Variants in GRIK1 observed in about 807,000 individuals in gnomAD.
The protein encoded by GRIK1 is glutamate ionotropic receptor kainate type subunit 1, also known as glutamate receptor ionotropic, kainate 1.
Under a neutral mutation model 105.7 loss-of-function variants are expected in GRIK1, and 69 were observed. That is an observed-to-expected ratio of 0.65 (90% CI 0.54 to 0.80). The LOEUF (loss-of-function observed/expected upper bound fraction) is 0.80. GRIK1 is among the 30% of genes least tolerant of loss of function. The pLI is 0.00. For synonymous variants in GRIK1, 438 were observed against 431.3 expected, an observed-to-expected ratio of 1.02 and a Z score of -0.19; for missense variants, 1,109 against 1,167.3, an observed-to-expected ratio of 0.95 and a Z score of 0.73.
chr21:29,563,440 A>G (rs2090533862), intron 14 of GRIK1, among the ~76,000 whole-genome samples: 1 of 152,172 alleles, frequency 6.6e-6, no homozygotes. Flanking sequence ...ACAGTACCTT[A>G]TAGATATTGG....
intron 1 of GRIK1, among the ~76,000 whole-genome samples, chr21:29,835,848 C>A (rs1224629642): frequency 6.6e-6 from 1 of 152,142 alleles, no homozygotes; most frequent in Non-Finnish European, 1.5e-5. Context: ...AAGTCCAGAG[C>A]TAGCAATTGC....
In GRIK1 at chr21:29,672,662, A is replaced by AAG. The variant is rs72451934; in HGVS notation, c.726+319_726+320dup. On this transcript the variant is annotated intron_variant, in intron 4 of 17. Coordinates refer to ENST00000327783, the MANE Select transcript of GRIK1 (RefSeq NM_001330994.2). ...CTGGCACAGTCTTTTCAAGAGACAT[A>AAG]AGAGAGAGAGAGAGAGAGATGTTTA... 8.4e-4 allele frequency among the ~76,000 whole-genome samples: 123 copies of AAG among 146,192 alleles called. 1 individual carries two copies. The highest frequency in any genetic ancestry group is 2.4e-3 in the African/African-American group (88 of 37,406).
At chr21:29,718,595 G>A (rs968331304) in intron 1 of GRIK1, among the ~76,000 whole-genome samples, 4 of 152,214 alleles carry the variant, frequency 2.6e-5, no homozygotes, top group African/African-American at 9.6e-5. Context: ...TCAAAGAGAT[G>A]TCATAGGCCT....
chr21:29,757,155 A>G (rs1326938920), intron 1 of GRIK1, among the ~76,000 whole-genome samples: 1 of 152,144 alleles, frequency 6.6e-6, no homozygotes, highest in Admixed American at 6.5e-5. Context: ...AATTTAAAAA[A>G]AAAGAAATGC....
chr21:29,899,722 G>T (rs377116692), intron 1 of GRIK1, among the ~76,000 whole-genome samples: 2 of 152,122 alleles, frequency 1.3e-5, no homozygotes, highest in Admixed American at 6.5e-5. Context: ...GGGACATCTT[G>T]GTGGCATGTA....
intron 1 of GRIK1, among the ~76,000 whole-genome samples, chr21:29,767,568 A>C (rs2065700043): frequency 6.6e-6 from 1 of 152,202 alleles, no homozygotes; most frequent in South Asian, 2.1e-4. Context: ...AATTTTTTAA[A>C]ACACAGGACT....
intron 1 of GRIK1, among the ~76,000 whole-genome samples, chr21:29,755,236 G>C (rs1331844977): frequency 1.3e-5 from 2 of 152,092 alleles, no homozygotes; most frequent in Admixed American, 1.3e-4. Context: ...TATTAATATG[G>C]ATTCATTTAT....
At chr21:29,826,916 G>A (rs1195298980) in intron 1 of GRIK1, among the ~76,000 whole-genome samples, 2 of 152,106 alleles carry the variant, frequency 1.3e-5, no homozygotes, top group Admixed American at 6.6e-5. Context: ...CAAATTCAAA[G>A]TCTTCTACAT....
At chr21:29,924,454 T>G (rs761276953) in intron 1 of GRIK1, among the ~76,000 whole-genome samples, 8 of 152,176 alleles carry the variant, frequency 5.3e-5, no homozygotes, top group Non-Finnish European at 1.2e-4. Context: ...ATGAGCTTTA[T>G]TCTATGGTTA....
chr21:29,801,401 G>T (rs1188580673), intron 1 of GRIK1, among the ~76,000 whole-genome samples: 1 of 152,024 alleles, frequency 6.6e-6, no homozygotes, highest in Non-Finnish European at 1.5e-5. Context: ...TCAGGCTATT[G>T]ATCAGGGGCT....
At chr21:29,596,615 A>G (rs770634207) in intron 8 of GRIK1, 45 bp from the exon 9 acceptor site, 3 of 1,385,430 alleles carry the variant, frequency 2.2e-6, no homozygotes, top group Non-Finnish European at 2.1e-6. Flanking sequence ...GCACTTAATT[A>G]AAATGGAGCG....
chr21:29,685,540 G>T (rs551389758), intron 3 of GRIK1, among the ~76,000 whole-genome samples: 1 of 152,050 alleles, frequency 6.6e-6, no homozygotes, highest in Middle Eastern at 3.4e-3. Context: ...GCCTAACCAA[G>T]CATAAGAAAA....
intron 1 of GRIK1, among the ~76,000 whole-genome samples, chr21:29,914,704 C>A (rs574986235): frequency 6.6e-6 from 1 of 152,152 alleles, no homozygotes; most frequent in African/African-American, 2.4e-5. Flanking sequence ...CACTTTGGGG[C>A]AGAACCTTTT....
intron 1 of GRIK1, among the ~76,000 whole-genome samples, chr21:29,874,156 C>T (rs1229367527): frequency 6.6e-6 from 1 of 152,126 alleles, no homozygotes; most frequent in Non-Finnish European, 1.5e-5. Flanking sequence ...CCACATGGCC[C>T]GTTGTTTGGG....
chr21:29,690,127 T>G (rs766086316), intron 2 of GRIK1, 142 bp from the exon 3 acceptor site: 2 of 687,494 alleles, frequency 2.9e-6, no homozygotes, highest in Non-Finnish European at 4.9e-6. Context: ...AATCCCTGTC[T>G]GCATATTGAG....
intron 3 of GRIK1, among the ~76,000 whole-genome samples, chr21:29,674,142 A>G (rs564215072): frequency 6.0e-5 from 9 of 150,804 alleles, no homozygotes; most frequent in African/African-American, 2.2e-4. Context: ...ATCAGTAGGG[A>G]ATATTAAGTT....
At chr21:29,549,743 G>A (rs920761904) in intron 16 of GRIK1, among the ~76,000 whole-genome samples, 2 of 152,010 alleles carry the variant, frequency 1.3e-5, no homozygotes, top group African/African-American at 4.8e-5. Flanking sequence ...TTCCTGGTCG[G>A]GTCACTGTGG....
At position 29,564,302 on chromosome 21, in the gene GRIK1, T is replaced by C. The variant is rs1291255588; in HGVS notation, c.2131-2453A>G. Among the ~76,000 whole-genome samples, 20 of 151,856 alleles carry C rather than the reference T, an allele frequency of 1.3e-4. 1 individual carries two copies. The highest frequency in any genetic ancestry group is 1.0e-3 in the South Asian group (5 of 4,796). Reference sequence around the variant, plus strand: ...AGCTGGGACTACAGGCGCCCGCCACTACACCCGGCTAATTTTTTGTATTTT... The same window carrying C: ...AGCTGGGACTACAGGCGCCCGCCACCACACCCGGCTAATTTTTTGTATTTT... On this transcript the variant is annotated intron_variant, in intron 14 of 17. Coordinates refer to ENST00000327783, the MANE Select transcript of GRIK1 (RefSeq NM_001330994.2).
chr21:29,731,685 AC>A (rs1290774939), intron 1 of GRIK1, among the ~76,000 whole-genome samples: 1 of 152,208 alleles, frequency 6.6e-6, no homozygotes, highest in Non-Finnish European at 1.5e-5. Flanking sequence ...ATTGTTGATC[AC>A]CATCAATTAG....
Sources: gnomAD v4.1 joint callset for allele counts (sites outside exome capture counted in the v4.1 genomes callset) on GRCh38, gnomAD v4.1.1 for gene constraint, MANE v1.5 for transcripts, NCBI Gene and HGNC (gene_info 2026-07-23, HGNC 2026-07-21) for gene names.